The following SCARA5 variants were observed in gnomAD, a reference collection of about 807,000 sequenced individuals.
The protein encoded by SCARA5 is scavenger receptor class A, member 5 (putative).
SCARA5 carries 45 observed loss-of-function variants against 46.3 expected under a neutral mutation model. The observed-to-expected ratio is 0.97, with a 90% CI of 0.76 to 1.24. The LOEUF (loss-of-function observed/expected upper bound fraction) is 1.24, where lower values mean the gene tolerates loss of function less well. Ranked by LOEUF, SCARA5 falls within the 50% of genes most tolerant of loss-of-function variation. The pLI is 0.00. For missense variants in SCARA5, 680 were observed against 689.0 expected, an observed-to-expected ratio of 0.99 and a Z score of 0.15; for synonymous variants, 333 against 306.5, an observed-to-expected ratio of 1.09 and a Z score of -0.90.
intron 7 of SCARA5, among the ~76,000 whole-genome samples, chr8:27,885,420 G>T (rs1806879124): frequency 6.6e-6 from 1 of 152,148 alleles, no homozygotes; most frequent in Admixed American, 6.5e-5. Flanking sequence ...TGTCATAATT[G>T]CTATTGCTAT....
intron 3 of SCARA5, among the ~76,000 whole-genome samples, chr8:27,943,414 G>A (rs547207367): frequency 1.5e-4 from 23 of 152,310 alleles, no homozygotes; most frequent in African/African-American, 5.5e-4. Flanking sequence ...CTGGGTGACG[G>A]GAGTGAGACT....
chr8:27,956,597 A>C (rs1808210965), intron 3 of SCARA5, among the ~76,000 whole-genome samples: 1 of 152,234 alleles, frequency 6.6e-6, no homozygotes, highest in Admixed American at 6.5e-5. Flanking sequence ...AGGTTTAAAC[A>C]ATTTCCCCAG....
intron 3 of SCARA5, among the ~76,000 whole-genome samples, chr8:27,958,976 CA>C: frequency 6.6e-6 from 1 of 152,094 alleles, no homozygotes. Context: ...CTCATGCCTG[CA>C]ATCCCAGCAC....
At chr8:27,898,903 GAACACA>G (rs1807105899) in intron 7 of SCARA5, among the ~76,000 whole-genome samples, 8 of 1,818 alleles carry the variant, frequency 4.4e-3, no homozygotes, top group Admixed American at 0.026. Context: ...GCTGAACACA[GAACACA>G]TCGAGGTACC....
intron 3 of SCARA5, among the ~76,000 whole-genome samples, chr8:27,943,942 C>G (rs1368069334): frequency 1.3e-5 from 2 of 152,172 alleles, no homozygotes; most frequent in Non-Finnish European, 2.9e-5. Flanking sequence ...CCAAATTTAC[C>G]TTAACCAAAT....
chr8:27,966,372 T>C (rs1395081965), intron 3 of SCARA5, 42 bp downstream of exon 3: 2 of 1,556,676 alleles, frequency 1.3e-6, no homozygotes, highest in African/African-American at 2.8e-5. Flanking sequence ...AGGTCTTCCT[T>C]CCTCATCCCA....
At chr8:27,916,888 G>C (rs1321412099) in intron 4 of SCARA5, among the ~76,000 whole-genome samples, 3 of 152,094 alleles carry the variant, frequency 2.0e-5, no homozygotes, top group African/African-American at 4.8e-5. Flanking sequence ...CCAAGGCAAT[G>C]GTATCCGGAG....
rs777486019 is a variant in SCARA5 at position 27,922,223 on chromosome 8, A to G, written c.264T>C (p.Pro88=). 1 of 1,578,700 alleles carries G rather than the reference A, an allele frequency of 6.3e-7. No homozygotes were observed. The highest frequency in any genetic ancestry group is 8.6e-7 in the Non-Finnish European group (1 of 1,161,020). ...ILAVSRPRSS[P]DDLKALTRNV... is the part of the protein sequence containing the mutation. The stretch of plus-strand genomic sequence containing the variant: ...TGCGAGTCAGGGCCTTCAGGTCGTC[A>G]GGGGAGCTGCGCGGCCTGGACACTG... Residue 88 remains proline, a synonymous_variant, in exon 4 of 9, where the codon CCT becomes CCC. Coordinates refer to ENST00000354914, the MANE Select transcript of SCARA5 (RefSeq NM_173833.6).
intron 2 of SCARA5, among the ~76,000 whole-genome samples, chr8:27,967,319 T>C (rs746778848): frequency 1.3e-4 from 20 of 152,208 alleles, no homozygotes; most frequent in Non-Finnish European, 2.6e-4. Flanking sequence ...AGATAAAGAA[T>C]GTCAAATGTC....
intron 7 of SCARA5, among the ~76,000 whole-genome samples, chr8:27,887,952 GTGTTTTTCAGAAACCCAGCTGGA>G (rs988362855): frequency 5.9e-5 from 9 of 152,278 alleles, no homozygotes; most frequent in South Asian, 2.1e-4. Context: ...TGTCCCTGAG[GTGTTTTTCAGAAACCCAGCTGGA>G]TGTTTTTCAG....
chr8:27,953,633 C>T (rs1167001854), intron 3 of SCARA5, among the ~76,000 whole-genome samples: 1 of 152,192 alleles, frequency 6.6e-6, no homozygotes, highest in Non-Finnish European at 1.5e-5. Context: ...GTTGCTAGCA[C>T]ACAAAGAAAT....
chr8:27,948,548 C>A (rs2685420), intron 3 of SCARA5, among the ~76,000 whole-genome samples: 7 of 152,258 alleles, frequency 4.6e-5, no homozygotes, highest in African/African-American at 9.6e-5. Context: ...TCCACTGGGC[C>A]GAAGGGTGTG....
chr8:27,927,302 G>A (rs141891423), intron 3 of SCARA5, among the ~76,000 whole-genome samples: 65 of 152,294 alleles, frequency 4.3e-4, no homozygotes, highest in African/African-American at 1.4e-3. Flanking sequence ...TATGGGGACG[G>A]CTGACAATCA....
At chr8:27,909,142 A>C (rs2685357) in intron 5 of SCARA5, 84,764 of 151,892 alleles carry the variant, frequency 0.56, 24,292 homozygotes, top group Non-Finnish European at 0.63. Flanking sequence ...AAAGTACCCT[A>C]CCCACCAGCC....
At chr8:27,982,837 C>A (rs1808645201) in intron 2 of SCARA5, among the ~76,000 whole-genome samples, 1 of 152,070 alleles carries the variant, frequency 6.6e-6, no homozygotes, top group South Asian at 2.1e-4. Context: ...CTCCTCTTCC[C>A]ATCTCACCTG....
At chr8:27,970,223 A>T (rs530915569) in intron 2 of SCARA5, among the ~76,000 whole-genome samples, 2 of 151,952 alleles carry the variant, frequency 1.3e-5, no homozygotes, top group Non-Finnish European at 2.9e-5. Context: ...GTGAGCCTCT[A>T]AGGAGATCCT....
At chr8:27,991,284 G>T (rs1204453716) in intron 1 of SCARA5, among the ~76,000 whole-genome samples, 1 of 152,188 alleles carries the variant, frequency 6.6e-6, no homozygotes, top group Non-Finnish European at 1.5e-5. Flanking sequence ...TATGAACAAG[G>T]TCACTCAGGG....
chr8:27,921,445 G>C (rs1807581888), intron 4 of SCARA5, 126 bp downstream of exon 4: 1 of 773,060 alleles, frequency 1.3e-6, no homozygotes. Flanking sequence ...TATGGGGCTG[G>C]GAATGGCAAG....
intron 7 of SCARA5, among the ~76,000 whole-genome samples, chr8:27,885,781 A>G (rs1806885812): frequency 6.6e-6 from 1 of 152,194 alleles, no homozygotes; most frequent in Non-Finnish European, 1.5e-5. Flanking sequence ...CAAGTGAGAG[A>G]ATGGGGACAT....
Sources: allele counts gnomAD v4.1 joint callset (sites outside exome capture counted in the v4.1 genomes callset), GRCh38; gene constraint gnomAD v4.1.1; transcripts MANE v1.5; gene names NCBI Gene and HGNC (gene_info 2026-07-23, HGNC 2026-07-21).